MYO15B: variants seen among roughly 807,000 people sequenced by gnomAD.
The protein encoded by MYO15B is myosin XVB.
A neutral mutation model predicts 119.3 loss-of-function variants in MYO15B; 207 were observed. The ratio of observed to expected loss-of-function variants is 1.73; its 90% CI spans 1.55 to 1.95. The LOEUF (loss-of-function observed/expected upper bound fraction) is 1.95. Among genes scored for constraint, MYO15B ranks in the 30% most tolerant of loss-of-function variants. The pLI is 0.00. For missense variants in MYO15B, 2,264 were observed against 1,203.1 expected (o/e 1.88, Z -13.04); for synonymous variants, 966 against 498.9 (o/e 1.94, Z -12.48).
intron 15 of MYO15B, 164 bp from the exon 16 acceptor site, chr17:75,602,353 A>C (rs1416346204): frequency 1.4e-6 from 1 of 699,504 alleles, no homozygotes; most frequent in African/African-American, 1.7e-5. Flanking sequence ...TGGAAAGTCC[A>C]GTGGCAGACC....
rs2056233342 is a variant in MYO15B at position 75,588,985 on chromosome 17, C to T, written c.928C>T (p.Gln310Ter). Residue 310 changes from glutamine to a stop codon, truncating the protein, a stop_gained, in exon 1 of 64, where the codon CAG becomes TAG. Coordinates refer to ENST00000645453, the Ensembl canonical transcript of MYO15B. LOFTEE classifies it high-confidence loss of function. ...CCACCAGGTCGGAAAGGCGGTGGGG[C>T]AGGTGCCAGCGGCGGCAGGCGAGGG... 5.0e-6 allele frequency: 2 copies of T among 398,122 alleles called. No homozygotes were observed. Among genetic ancestry groups the T allele is most frequent in the African/African-American group, 2.1e-5 (1 of 48,732 alleles). The allele number at this position is 398,122 out of a possible 1,614,324, so 24.7% of individuals were successfully genotyped here.
chr17:75,604,157 G>A (rs917373024), intron 19 of MYO15B, among the ~76,000 whole-genome samples: 3 of 152,132 alleles, frequency 2.0e-5, no homozygotes, highest in South Asian at 2.1e-4. Flanking sequence ...GGCGGGGCAC[G>A]TTCTGTCTCT....
intron 1 of MYO15B, 84 bp downstream of exon 1, chr17:75,590,327 T>A (rs1229088758): frequency 2.5e-6 from 1 of 398,710 alleles, no homozygotes; most frequent in Non-Finnish European, 4.4e-6. Flanking sequence ...GAATTGCGTG[T>A]AGACCCTTAT....
At chr17:75,624,556 T>A (rs2058910004) in exon 58 of MYO15B, 1 of 702,830 alleles carries the variant, frequency 1.4e-6, no homozygotes, top group African/African-American at 1.7e-5. Context: ...GCAGCAGAAG[T>A]GCAGGAGGAG....
At chr17:75,592,116 C>T in intron 6 of MYO15B, 36 bp downstream of exon 6, 2 of 702,460 alleles carry the variant, frequency 2.8e-6, no homozygotes, top group Non-Finnish European at 5.2e-6. Flanking sequence ...CCTACAATCA[C>T]TTACCCTTCC....
chr17:75,614,414 C>T lies in MYO15B; in HGVS notation c.5381+54C>T, dbSNP rs948753518. On this transcript the variant is annotated intron_variant, in intron 30 of 63. Coordinates refer to ENST00000645453, the Ensembl canonical transcript of MYO15B. Reference sequence around the variant, plus strand: ...GGCCTGCTCCTGCCGGGGAACCCCACAGCCACCCTGCCACACTCAGGGGTT... The same window carrying T: ...GGCCTGCTCCTGCCGGGGAACCCCATAGCCACCCTGCCACACTCAGGGGTT... 18 of 688,662 alleles carry T rather than the reference C, an allele frequency of 2.6e-5. 1 individual carries two copies. Among genetic ancestry groups the T allele is most frequent in the Admixed American group, 4.0e-5 (2 of 49,488 alleles). The allele number at this position is 688,662 out of a possible 1,614,324, so 42.7% of individuals were successfully genotyped here.
At chr17:75,624,033 C>G (rs758961708) in exon 55 of MYO15B, 1 of 702,888 alleles carries the variant, frequency 1.4e-6, no homozygotes. Context: ...CCTACCTGAC[C>G]AAGTTTCTGC....
exon 30 of MYO15B, chr17:75,614,212 C>T (rs2058217265): frequency 2.8e-6 from 2 of 702,398 alleles, no homozygotes; most frequent in Non-Finnish European, 5.2e-6. Flanking sequence ...CCTGGAGGCG[C>T]CTCCCCGGGG....
intron 63 of MYO15B, 68 bp from the exon 64 acceptor site, chr17:75,626,339 C>CT (rs2059063652): frequency 7.1e-6 from 5 of 701,304 alleles, no homozygotes; most frequent in Non-Finnish European, 1.3e-5. Flanking sequence ...CTCCGGAGTG[C>CT]TGTGGGCCGG....
chr17:75,621,134 T>C (rs1233475715), exon 50 of MYO15B: 9 of 701,894 alleles, frequency 1.3e-5, no homozygotes, highest in Non-Finnish European at 2.1e-5. Flanking sequence ...AGCTACACCA[T>C]GCAGGAATTC....
At chr17:75,606,067 G>A (rs758596036) in intron 21 of MYO15B, 46 bp downstream of exon 21, 26 of 638,646 alleles carry the variant, frequency 4.1e-5, no homozygotes, top group South Asian at 8.4e-5. Flanking sequence ...GGGTGAGGCC[G>A]TGGGTTCGTC....
At chr17:75,604,676 C>T (rs2057509098) in intron 19 of MYO15B, among the ~76,000 whole-genome samples, 1 of 151,532 alleles carries the variant, frequency 6.6e-6, no homozygotes, top group Admixed American at 6.6e-5. Flanking sequence ...CTGCGCACAC[C>T]ATGTTCACCT....
Position 75,589,563 on chromosome 17 carries a change from T to G in MYO15B, c.1506T>G (p.Ala502=), listed in dbSNP as rs2056307865. The stretch of plus-strand genomic sequence containing the variant: ...GGCACCGTCTAGCGTTGCGCCTGGC[T>G]GGCTTAGCAGGGCTGGGGGGTATGC... Residue 502 remains alanine (A), a synonymous_variant, in exon 1 of 64, where the codon GCT becomes GCG. Coordinates refer to ENST00000645453, the Ensembl canonical transcript of MYO15B. This position sits in a 1 kb window ranked among gnomAD's most constrained non-coding sequence, Gnocchi z 4.2. 2.5e-6 allele frequency: 1 copy of G among 398,678 alleles called. No homozygotes were observed. Among genetic ancestry groups the G allele is most frequent in the Non-Finnish European group, 4.4e-6 (1 of 226,080 alleles). The allele number at this position is 398,678 out of a possible 1,614,324, so 24.7% of individuals were successfully genotyped here. A position where few individuals can be genotyped will look rare whatever the true frequency, so the allele number is the denominator to read the frequency against.
At chr17:75,617,227 C>T in exon 41 of MYO15B, 2 of 697,612 alleles carry the variant, frequency 2.9e-6, no homozygotes, top group Non-Finnish European at 5.2e-6. Flanking sequence ...CTGCCTATTG[C>T]CCACACACCC....
In MYO15B at chr17:75,614,758, C is replaced by T; in HGVS notation, c.5483-15C>T. 1.4e-6 allele frequency: 1 copy of T among 702,850 alleles called. No homozygotes were observed. Among genetic ancestry groups the T allele is most frequent in the Non-Finnish European group, 2.6e-6 (1 of 385,014 alleles). 43.5% of individuals were successfully genotyped at this position (702,850 alleles called of 1,614,324 possible). A position where few individuals can be genotyped will look rare whatever the true frequency, so the allele number is the denominator to read the frequency against. ...CGCCCCGGGCCATGGCTCCAACCCT[C>T]TCCCTGCCCCACAGGGGAGGTCCAG... On this transcript the variant is annotated splice_polypyrimidine_tract_variant and intron_variant, in intron 31 of 63. Coordinates refer to ENST00000645453, the Ensembl canonical transcript of MYO15B.
At chr17:75,615,791 C>G (rs758002562) in exon 36 of MYO15B, 35 of 702,486 alleles carry the variant, frequency 5.0e-5, no homozygotes, top group Non-Finnish European at 8.6e-5. Flanking sequence ...CGTCCCAGGC[C>G]TCACCCTCAG....
Position 75,616,883 on chromosome 17 carries a change from AG to A in MYO15B, c.6517del (p.Ala2173LeufsTer3). 1.4e-6 allele frequency: 1 copy of A among 703,020 alleles called. No individual in the cohort carries two copies. Among genetic ancestry groups the A allele is most frequent in the South Asian group, 1.5e-5 (1 of 67,610 alleles). The allele number at this position is 703,020 out of a possible 1,614,324, so 43.5% of individuals were successfully genotyped here. On this transcript the variant is annotated frameshift_variant, in exon 40 of 64. Coordinates refer to ENST00000645453, the Ensembl canonical transcript of MYO15B. LOFTEE classifies it high-confidence loss of function. ...TTGCTTCTCCCACGAGGCCTCCCAA[AG>A]CTTTCCTGAGGAAAATCGACCCCAA...
At chr17:75,599,636 G>A (rs2057112821) in intron 14 of MYO15B, among the ~76,000 whole-genome samples, 1 of 151,812 alleles carries the variant, frequency 6.6e-6, no homozygotes, top group Admixed American at 6.6e-5. Context: ...GCCGGGCGCG[G>A]TGGCTCATCT....
intron 6 of MYO15B, 23 bp downstream of exon 6, chr17:75,592,103 G>C: frequency 4.3e-6 from 3 of 702,676 alleles, no homozygotes; most frequent in Non-Finnish European, 5.2e-6. Context: ...GTTGCAGGGG[G>C]CACCTACAAT....
Sources: gnomAD v4.1 joint callset for allele counts (sites outside exome capture counted in the v4.1 genomes callset) on GRCh38, gnomAD v4.1.1 for gene constraint, Gnocchi (gnomAD v3.1) non-coding constraint, MANE v1.5 for transcripts, NCBI Gene and HGNC (gene_info 2026-07-23, HGNC 2026-07-21) for gene names.